FHIT: variants seen among roughly 807,000 people sequenced by gnomAD.
FHIT encodes the protein fragile histidine triad diadenosine triphosphatase, also known as bis(5'-adenosyl)-triphosphatase.
Under a neutral mutation model 17.9 loss-of-function variants are expected in FHIT, and 19 were observed. That is an observed-to-expected ratio of 1.06 (90% CI 0.74 to 1.56). The LOEUF is 1.56. Among genes scored for constraint, FHIT ranks in the 40% most tolerant of loss-of-function variants. The pLI is 0.00. For missense variants in FHIT, 248 were observed against 189.2 expected (o/e 1.31, Z -1.82); for synonymous variants, 81 against 69.7 (o/e 1.16, Z -0.81).
intron 4 of FHIT, among the ~76,000 whole-genome samples, chr3:60,553,969 C>G (rs911183215): frequency 6.6e-6 from 1 of 152,038 alleles, no homozygotes; most frequent in Non-Finnish European, 1.5e-5. Flanking sequence ...CACCTGTAAT[C>G]CCAGCTACTT....
At chr3:60,659,915 T>C (rs1220202202) in intron 4 of FHIT, among the ~76,000 whole-genome samples, 4 of 152,150 alleles carry the variant, frequency 2.6e-5, no homozygotes, top group African/African-American at 9.7e-5. Context: ...AGATTCTCCT[T>C]CCCCTTCCCC....
At chr3:60,883,966 GAC>G (rs1705091892) in intron 3 of FHIT, among the ~76,000 whole-genome samples, 1 of 152,148 alleles carries the variant, frequency 6.6e-6, no homozygotes, top group African/African-American at 2.4e-5. Flanking sequence ...CTATCCATTT[GAC>G]AAGGGATTAA....
intron 5 of FHIT, among the ~76,000 whole-genome samples, chr3:60,168,562 G>C (rs1396833741): frequency 3.3e-5 from 5 of 152,156 alleles, no homozygotes; most frequent in African/African-American, 1.2e-4. Context: ...AGCACAGGGT[G>C]GGGGCATCAA....
intron 3 of FHIT, among the ~76,000 whole-genome samples, chr3:60,992,729 T>C (rs961595483): frequency 6.6e-6 from 1 of 152,200 alleles, no homozygotes; most frequent in East Asian, 1.9e-4. Flanking sequence ...TTGTGCTGAA[T>C]TTGTCTGCAT....
At chr3:60,875,285 C>G (rs1296469745) in intron 3 of FHIT, among the ~76,000 whole-genome samples, 2 of 151,902 alleles carry the variant, frequency 1.3e-5, no homozygotes, top group Non-Finnish European at 2.9e-5. Context: ...ACTGGATTCC[C>G]CATCCTAGAA....
In FHIT at chr3:60,167,096, C is replaced by G. The variant is rs78031970; in HGVS notation, c.104-152944G>C. Reference sequence around the variant, plus strand: ...AGGAGTCTTCACTTTCATCAGATTTCTGCTCAAAGACTGTCTTTCCCCCCT... The same window carrying G: ...AGGAGTCTTCACTTTCATCAGATTTGTGCTCAAAGACTGTCTTTCCCCCCT... On this transcript the variant is annotated intron_variant, in intron 5 of 9. Coordinates refer to ENST00000492590, the MANE Select transcript of FHIT (RefSeq NM_002012.4). Among the ~76,000 whole-genome samples the G allele has an allele frequency of 2.6e-3, 389 of 152,302 alleles. 1 individual carries two copies. The highest frequency in any genetic ancestry group is 9.1e-3 in the African/African-American group (380 of 41,568).
At chr3:61,140,455 G>A (rs1039802889) in intron 2 of FHIT, among the ~76,000 whole-genome samples, 3 of 152,188 alleles carry the variant, frequency 2.0e-5, no homozygotes, top group Non-Finnish European at 4.4e-5. Flanking sequence ...GTATGCAAAA[G>A]AGGAAATATA....
chr3:61,199,643 A>G (rs1030213586), intron 2 of FHIT, among the ~76,000 whole-genome samples: 2 of 152,196 alleles, frequency 1.3e-5, no homozygotes, highest in African/African-American at 2.4e-5. Flanking sequence ...ATTCAGCCCC[A>G]GAAATAGATT....
At chr3:60,206,165 A>ATTATTATTATT (rs1553712162) in intron 5 of FHIT, among the ~76,000 whole-genome samples, 3 of 115,784 alleles carry the variant, frequency 2.6e-5, no homozygotes, top group African/African-American at 1.0e-4. Context: ...TAATAATAAT[A>ATTATTATTATT]ATAATAATTA....
At chr3:60,067,321 AT>A (rs1240516641) in intron 5 of FHIT, among the ~76,000 whole-genome samples, 2 of 128,624 alleles carry the variant, frequency 1.6e-5, no homozygotes, top group East Asian at 3.9e-4. Flanking sequence ...ACAAATATGT[AT>A]TGAATGAATG....
At chr3:60,553,010 G>A (rs1219557844) in intron 4 of FHIT, among the ~76,000 whole-genome samples, 1 of 152,192 alleles carries the variant, frequency 6.6e-6, no homozygotes, top group African/African-American at 2.4e-5. Flanking sequence ...AGTCCTGAGA[G>A]GGAATGGCGC....
chr3:60,717,066 C>A (rs1394123410), intron 4 of FHIT, among the ~76,000 whole-genome samples: 1 of 152,272 alleles, frequency 6.6e-6, no homozygotes, highest in Admixed American at 6.5e-5. Context: ...ACTGCATGAT[C>A]TCACTTATAT....
intron 5 of FHIT, among the ~76,000 whole-genome samples, chr3:60,221,870 T>C (rs1256980396): frequency 1.3e-5 from 2 of 152,170 alleles, no homozygotes; most frequent in African/African-American, 2.4e-5. Context: ...ATTTAATTTT[T>C]TTTTTAATTA....
rs572477817 is a variant in FHIT at position 60,053,502 on chromosome 3, T to C, written c.104-39350A>G. Among the ~76,000 whole-genome samples, 7 of 151,770 alleles carry C rather than the reference T, an allele frequency of 4.6e-5. No individual in the cohort carries two copies. In the South Asian group the frequency reaches 1.3e-3, roughly 27 times the overall value. On this transcript the variant is annotated intron_variant, in intron 5 of 9. Coordinates refer to ENST00000492590, the MANE Select transcript of FHIT (RefSeq NM_002012.4). The stretch of plus-strand genomic sequence containing the variant: ...TGCCTAGACATGTTATTGTTCGTCA[T>C]GTGAACTGGCTATGGCAAAACACAT...
chr3:61,196,862 G>A (rs1158591276), intron 2 of FHIT, among the ~76,000 whole-genome samples: 1 of 152,140 alleles, frequency 6.6e-6, no homozygotes, highest in African/African-American at 2.4e-5. Context: ...AAGAAAGTAG[G>A]GAAGAATATT....
chr3:60,505,378 C>T (rs2034686968), intron 5 of FHIT, among the ~76,000 whole-genome samples: 1 of 152,002 alleles, frequency 6.6e-6, no homozygotes, highest in African/African-American at 2.4e-5. Flanking sequence ...GTGTAAAGGG[C>T]CATTAAGTCA....
chr3:60,210,695 A>G (rs944166385), intron 5 of FHIT, among the ~76,000 whole-genome samples: 1 of 152,152 alleles, frequency 6.6e-6, no homozygotes. Flanking sequence ...AAACAATACT[A>G]ATATAACATT....
At chr3:60,684,802 G>A (rs1388728044) in intron 4 of FHIT, among the ~76,000 whole-genome samples, 2 of 152,040 alleles carry the variant, frequency 1.3e-5, no homozygotes, top group African/African-American at 4.8e-5. Context: ...AAGTGCTCAA[G>A]AGCCTGAAGA....
intron 5 of FHIT, among the ~76,000 whole-genome samples, chr3:60,394,810 A>G (rs1333233639): frequency 2.0e-5 from 3 of 152,182 alleles, no homozygotes; most frequent in African/African-American, 7.2e-5. Context: ...CACTATCATC[A>G]TCACTTAAAA....
Sources: gnomAD v4.1 joint callset for allele counts (sites outside exome capture counted in the v4.1 genomes callset) on GRCh38, gnomAD v4.1.1 for gene constraint, MANE v1.5 for transcripts, NCBI Gene and HGNC (gene_info 2026-07-23, HGNC 2026-07-21) for gene names.